Variants in ZFYVE9 observed in about 807,000 individuals in gnomAD.
ZFYVE9 encodes the protein zinc finger FYVE-type containing 9.
ZFYVE9 carries 43 observed loss-of-function variants against 126.7 expected under a neutral mutation model. That is an observed-to-expected ratio of 0.34 (90% confidence interval 0.27 to 0.44). The LOEUF (loss-of-function observed/expected upper bound fraction) is 0.44. ZFYVE9 is among the 20% of genes least tolerant of loss of function. The pLI, the probability that ZFYVE9 is intolerant of heterozygous loss-of-function variation, is 1.00. For missense variants in ZFYVE9, 1,476 were observed against 1,697.0 expected, an observed-to-expected ratio of 0.87 and a Z score of 2.29; for synonymous variants, 521 against 597.4, an observed-to-expected ratio of 0.87 and a Z score of 1.87.
chr1:52,324,315 C>G (rs1267134833), intron 13 of ZFYVE9, among the ~76,000 whole-genome samples: 1 of 152,162 alleles, frequency 6.6e-6, no homozygotes. Flanking sequence ...TGAATGAAGA[C>G]TCATAGTTGT....
At chr1:52,176,470 C>T (rs1352350679) in intron 1 of ZFYVE9, among the ~76,000 whole-genome samples, 1 of 152,144 alleles carries the variant, frequency 6.6e-6, no homozygotes, top group East Asian at 1.9e-4. Flanking sequence ...GGCAGTCTGC[C>T]CATTCTCAGA....
intron 1 of ZFYVE9, among the ~76,000 whole-genome samples, chr1:52,210,319 A>G (rs991751263): frequency 3.9e-5 from 6 of 152,166 alleles, no homozygotes; most frequent in Non-Finnish European, 8.8e-5. Flanking sequence ...TGTGGGTTGG[A>G]GGAAAACTTT....
At chr1:52,240,654 G>T (rs1446637843) in intron 4 of ZFYVE9, among the ~76,000 whole-genome samples, 2 of 152,108 alleles carry the variant, frequency 1.3e-5, no homozygotes, top group African/African-American at 4.8e-5. Flanking sequence ...AGTTCTCTCG[G>T]TCTTCCCCTC....
At chr1:52,219,802 T>TGTGG (rs1446154879) in intron 2 of ZFYVE9, among the ~76,000 whole-genome samples, 8 of 131,236 alleles carry the variant, frequency 6.1e-5, no homozygotes, top group East Asian at 2.3e-4. Flanking sequence ...TGTGTGTGTG[T>TGTGG]GGCAGAGTCT....
At chr1:52,277,273 T>A (rs1047887027) in intron 8 of ZFYVE9, among the ~76,000 whole-genome samples, 4 of 152,194 alleles carry the variant, frequency 2.6e-5, no homozygotes, top group African/African-American at 9.6e-5. Flanking sequence ...TGCTTAGGGT[T>A]CAGATTTTTA....
chr1:52,163,242 T>G (rs1299952390), intron 1 of ZFYVE9, among the ~76,000 whole-genome samples: 2 of 152,246 alleles, frequency 1.3e-5, no homozygotes, highest in African/African-American at 4.8e-5. Context: ...TTGATTTATC[T>G]TCAACATTTT....
intron 1 of ZFYVE9, among the ~76,000 whole-genome samples, chr1:52,179,304 CAA>C (rs1187404276): frequency 6.6e-6 from 1 of 152,112 alleles, no homozygotes; most frequent in Non-Finnish European, 1.5e-5. Flanking sequence ...AGTGAAGAGA[CAA>C]GAGGTCATGA....
chr1:52,166,597 C>T (rs1278684372), intron 1 of ZFYVE9, among the ~76,000 whole-genome samples: 1 of 151,998 alleles, frequency 6.6e-6, no homozygotes, highest in East Asian at 1.9e-4. Context: ...CTTATATATA[C>T]TAATTCTACC....
At chr1:52,196,635 T>C (rs1259565615) in intron 1 of ZFYVE9, among the ~76,000 whole-genome samples, 1 of 152,098 alleles carries the variant, frequency 6.6e-6, no homozygotes, top group Non-Finnish European at 1.5e-5. Flanking sequence ...AGACCCGGTC[T>C]CAGAAAAAAT....
At position 52,165,309 on chromosome 1, in the gene ZFYVE9, A is replaced by G. The variant is rs671456; in HGVS notation, c.-143+22906A>G. Among the ~76,000 whole-genome samples, 1,432 of 152,302 alleles carry G rather than the reference A, an allele frequency of 9.4e-3. 22 individuals are homozygous for G. The highest frequency in any genetic ancestry group is 0.033 in the African/African-American group (1,362 of 41,562). On this transcript the variant is annotated intron_variant, in intron 1 of 18. Coordinates refer to ENST00000287727, the MANE Select transcript of ZFYVE9 (RefSeq NM_004799.4). ...CACCTTCACCATTTTCAGAGGAACT[A>G]TCAGTGTAATTAGACAAGAAAGAAA...
chr1:52,237,611 C>T lies in ZFYVE9; in HGVS notation c.194C>T (p.Ser65Leu), dbSNP rs930316919. The T allele has an allele frequency of 6.2e-7, 1 of 1,614,076 alleles. No individual in the cohort carries two copies. Residue 65 changes from serine to leucine, a missense_variant, in exon 4 of 19, where the codon TCA becomes TTA. Coordinates refer to ENST00000287727, the MANE Select transcript of ZFYVE9 (RefSeq NM_004799.4). Reference sequence around the variant, plus strand: ...AATGAATCTGCAGTTTCTAATGAGTCACAACCACAACTGAAAGTCTTCTCC... The same window carrying T: ...AATGAATCTGCAGTTTCTAATGAGTTACAACCACAACTGAAAGTCTTCTCC... ...SVNESAVSNE[S>L]QPQLKVFSLA... is the part of the protein sequence containing the mutation.
intron 14 of ZFYVE9, 63 bp downstream of exon 14, chr1:52,332,981 A>C (rs1557524534): frequency 1.9e-6 from 3 of 1,595,858 alleles, no homozygotes; most frequent in Non-Finnish European, 2.6e-6. Flanking sequence ...GGACAGTTAG[A>C]TACCTCAGTC....
intron 18 of ZFYVE9, chr1:52,345,747 T>C (rs2147881687): frequency 4.9e-6 from 1 of 203,802 alleles, no homozygotes; most frequent in South Asian, 1.8e-4. Context: ...CTCATTTTAA[T>C]TTTCACAACC....
At chr1:52,242,914 A>G (rs1645349299) in intron 4 of ZFYVE9, among the ~76,000 whole-genome samples, 1 of 152,210 alleles carries the variant, frequency 6.6e-6, no homozygotes, top group Admixed American at 6.5e-5. Flanking sequence ...AATATTTTCC[A>G]TTACACACCC....
intron 1 of ZFYVE9, chr1:52,163,103 A>G (rs181660537): frequency 5.7e-5 from 12 of 209,570 alleles, no homozygotes; most frequent in African/African-American, 2.1e-4. Flanking sequence ...TTCTTCCCCA[A>G]TTCAAACAAT....
Position 52,295,949 on chromosome 1 carries a change from C to T in ZFYVE9, c.3305C>T (p.Thr1102Met), listed in dbSNP as rs202129003. 4.2e-5 allele frequency: 67 copies of T among 1,613,582 alleles called. No homozygotes were observed. The Middle Eastern group carries it at 5.0e-4, about 12-fold the overall frequency. Residue 1102 changes from threonine (T) to methionine (M), a missense_variant, in exon 12 of 19, where the codon ACG becomes ATG. Around this residue, in one of 2 missense-constraint regions of ZFYVE9, gnomAD observed 669 missense variants for 902.4 expected, o/e 0.74. Coordinates refer to ENST00000287727, the MANE Select transcript of ZFYVE9 (RefSeq NM_004799.4). ...TTTCGGAAGCCATTGTTTGGAGAGA[C>T]GGGGCATACCATCATGAATCTTCTT... ...VRFRKPLFGE[T>M]GHTIMNLLAD... is the part of the protein sequence containing the mutation.
intron 7 of ZFYVE9, among the ~76,000 whole-genome samples, chr1:52,272,774 A>T (rs746954926): frequency 4.6e-5 from 7 of 150,618 alleles, no homozygotes; most frequent in Non-Finnish European, 8.8e-5. Flanking sequence ...GGTTCAAGCA[A>T]TTCTCCTGCC....
chr1:52,149,383 C>T (rs936950938), intron 1 of ZFYVE9, among the ~76,000 whole-genome samples: 1 of 151,388 alleles, frequency 6.6e-6, no homozygotes, highest in Non-Finnish European at 1.5e-5. Flanking sequence ...CGTGAGCCAC[C>T]GCGCCTGGGC....
chr1:52,185,876 C>CAT (rs1644760420), intron 1 of ZFYVE9, among the ~76,000 whole-genome samples: 4 of 147,970 alleles, frequency 2.7e-5, no homozygotes, highest in African/African-American at 5.0e-5. Flanking sequence ...GCCGAGATTG[C>CAT]GCCACTGCAC....
Sources: allele counts gnomAD v4.1 joint callset (sites outside exome capture counted in the v4.1 genomes callset), GRCh38; gene constraint gnomAD v4.1.1; regional missense constraint gnomAD v4.1.1; transcripts MANE v1.5; gene names NCBI Gene and HGNC (gene_info 2026-07-23, HGNC 2026-07-21).